The following GLRA3 variants were observed in gnomAD, a reference collection of about 807,000 sequenced individuals.
GLRA3 encodes the protein glycine receptor alpha 3.
In GLRA3, 44 loss-of-function variants were observed where a neutral mutation model predicts 60.4. The ratio of observed to expected loss-of-function variants is 0.73; its 90% CI spans 0.57 to 0.94. The LOEUF is 0.94. Among genes scored for constraint, GLRA3 ranks in the 40% least tolerant of loss-of-function variants. The pLI is 0.00. For missense variants in GLRA3, 508 were observed against 564.6 expected (o/e 0.90, Z 1.02); for synonymous variants, 223 against 192.9 (o/e 1.16, Z -1.29).
chr4:174,784,548 T>A (rs1318882320), intron 2 of GLRA3, among the ~76,000 whole-genome samples: 2 of 151,786 alleles, frequency 1.3e-5, no homozygotes, highest in Non-Finnish European at 2.9e-5. Context: ...TTCACTATTC[T>A]TACCAATGAC....
intron 5 of GLRA3, among the ~76,000 whole-genome samples, chr4:174,713,286 G>C (rs1735791159): frequency 6.6e-6 from 1 of 152,110 alleles, no homozygotes; most frequent in Middle Eastern, 3.2e-3. Context: ...GTTGAGAAAT[G>C]TTCTGAGAAA....
At chr4:174,779,070 T>C (rs972755858) in intron 2 of GLRA3, among the ~76,000 whole-genome samples, 4 of 152,156 alleles carry the variant, frequency 2.6e-5, no homozygotes, top group Admixed American at 1.3e-4. Context: ...TAAATGTCCC[T>C]GTCTGACAGC....
chr4:174,730,220 A>G lies in GLRA3; in HGVS notation c.268-1522T>C, dbSNP rs1371215934. ...TGTGAACAAGCTTCTACCAGCCTAG[A>G]ATAGGTCATCTTCTCTTAGCCTGTA... On this transcript the variant is annotated intron_variant, in intron 3 of 9. Transcript: ENST00000274093. Among the ~76,000 whole-genome samples, 3 of 152,206 alleles carry G rather than the reference A, an allele frequency of 2.0e-5. No individual in the cohort carries two copies. The East Asian group carries it at 5.8e-4, about 29-fold the overall frequency.
chr4:174,673,684 C>T (rs576296290), intron 7 of GLRA3, among the ~76,000 whole-genome samples: 80 of 152,270 alleles, frequency 5.3e-4, no homozygotes, highest in Admixed American at 3.3e-3. Context: ...ACCTCTATTC[C>T]ACTTCCCAAT....
At chr4:174,790,516 T>C (rs1739290038) in intron 1 of GLRA3, among the ~76,000 whole-genome samples, 1 of 69,746 alleles carries the variant, frequency 1.4e-5, no homozygotes, top group South Asian at 4.6e-4. Flanking sequence ...TGGAAAAGCA[T>C]CGTTGGATTT....
intron 2 of GLRA3, among the ~76,000 whole-genome samples, chr4:174,770,524 A>T (rs977857618): frequency 6.6e-6 from 1 of 152,078 alleles, no homozygotes; most frequent in African/African-American, 2.4e-5. Flanking sequence ...AGCGTTGCCT[A>T]TTATAAATTC....
intron 2 of GLRA3, among the ~76,000 whole-genome samples, chr4:174,782,892 C>T (rs1490558073): frequency 1.3e-5 from 2 of 152,014 alleles, no homozygotes; most frequent in Non-Finnish European, 1.5e-5. Flanking sequence ...GGCCATACTG[C>T]CCAAGGTAAT....
At chr4:174,784,946 T>A (rs1267494406) in intron 2 of GLRA3, among the ~76,000 whole-genome samples, 1 of 152,102 alleles carries the variant, frequency 6.6e-6, no homozygotes, top group African/African-American at 2.4e-5. Flanking sequence ...AACAGATTAA[T>A]CAGTGAAAAG....
At position 174,682,417 on chromosome 4, in the gene GLRA3, C is replaced by G. The variant is rs546036167; in HGVS notation, c.712+385G>C. On this transcript the variant is annotated intron_variant, in intron 6 of 9. Coordinates refer to ENST00000274093, the MANE Select transcript of GLRA3 (RefSeq NM_006529.4). Reference sequence around the variant, plus strand: ...AAAAATTAGGCAACAAAGCTTTTTTCTTTTTTAAAAAATGCAATTTAAAAA... The same window carrying G: ...AAAAATTAGGCAACAAAGCTTTTTTGTTTTTTAAAAAATGCAATTTAAAAA... Among the ~76,000 whole-genome samples the G allele has an allele frequency of 9.9e-5, 15 of 151,920 alleles. 1 individual carries two copies. The South Asian group carries it at 2.9e-3, about 29-fold the overall frequency.
intron 3 of GLRA3, among the ~76,000 whole-genome samples, chr4:174,747,929 A>ATAACATTATAGCAT (rs1299219431): frequency 6.6e-6 from 1 of 152,114 alleles, no homozygotes; most frequent in South Asian, 2.1e-4. Context: ...TGCTGTTCCA[A>ATAACATTATAGCAT]ATACTATGTT....
At chr4:174,770,408 C>A (rs1176550858) in intron 2 of GLRA3, among the ~76,000 whole-genome samples, 1 of 151,814 alleles carries the variant, frequency 6.6e-6, no homozygotes, top group Non-Finnish European at 1.5e-5. Context: ...TATCTGGGGC[C>A]ATTATACTAC....
intron 1 of GLRA3, among the ~76,000 whole-genome samples, chr4:174,819,051 C>G (rs931320818): frequency 6.6e-6 from 1 of 152,066 alleles, no homozygotes; most frequent in Non-Finnish European, 1.5e-5. Context: ...TTGTACGTCT[C>G]TTTTTTATTG....
At position 174,735,811 on chromosome 4, in the gene GLRA3, G is replaced by A. The variant is rs374732680; in HGVS notation, c.268-7113C>T. On this transcript the variant is annotated intron_variant, in intron 3 of 9. Coordinates refer to ENST00000274093, the MANE Select transcript of GLRA3 (RefSeq NM_006529.4). ...TCCTGACCTCAGGTGATATGCCCAC[G>A]TCAGCCTCCCAAAGTGTTGGGATTC... 3.3e-4 allele frequency among the ~76,000 whole-genome samples: 50 copies of A among 152,188 alleles called. 1 individual carries two copies. The highest frequency in any genetic ancestry group is 1.0e-3 in the African/African-American group (43 of 41,534).
chr4:174,773,722 T>C (rs1738484789), intron 2 of GLRA3, among the ~76,000 whole-genome samples: 1 of 152,202 alleles, frequency 6.6e-6, no homozygotes, highest in African/African-American at 2.4e-5. Context: ...TTAGGTGCTT[T>C]AAAAAGGTTT....
At chr4:174,821,529 C>T (rs1219992251) in intron 1 of GLRA3, among the ~76,000 whole-genome samples, 1 of 151,696 alleles carries the variant, frequency 6.6e-6, no homozygotes, top group Non-Finnish European at 1.5e-5. Flanking sequence ...GGATAAAAAG[C>T]CTTTTTATTT....
At chr4:174,663,445 T>C (rs1733533407) in intron 7 of GLRA3, among the ~76,000 whole-genome samples, 2 of 152,192 alleles carry the variant, frequency 1.3e-5, no homozygotes, top group Non-Finnish European at 2.9e-5. Context: ...CCTGAATCCA[T>C]AATGACATGA....
chr4:174,795,252 G>A (rs1739519161), intron 1 of GLRA3, among the ~76,000 whole-genome samples: 2 of 151,972 alleles, frequency 1.3e-5, no homozygotes, highest in South Asian at 4.1e-4. Context: ...AAGATGTGAA[G>A]TATTTCATCT....
intron 2 of GLRA3, among the ~76,000 whole-genome samples, chr4:174,769,647 G>T (rs1738303441): frequency 6.6e-6 from 1 of 151,962 alleles, no homozygotes; most frequent in South Asian, 2.1e-4. Flanking sequence ...ATCATGCTAG[G>T]AATTACTTCC....
At chr4:174,672,011 T>A (rs1733926755) in intron 7 of GLRA3, among the ~76,000 whole-genome samples, 1 of 152,102 alleles carries the variant, frequency 6.6e-6, no homozygotes, top group South Asian at 2.1e-4. Flanking sequence ...ATGAGTGGAA[T>A]TGAGAAAGGT....
Sources: allele counts gnomAD v4.1 joint callset (sites outside exome capture counted in the v4.1 genomes callset), GRCh38; gene constraint gnomAD v4.1.1; transcripts MANE v1.5; gene names NCBI Gene and HGNC (gene_info 2026-07-23, HGNC 2026-07-21).